Variants in IQSEC1 observed in about 807,000 individuals in gnomAD.
IQSEC1 encodes the protein IQ motif and SEC7 domain-containing protein 1.
In IQSEC1, 31 loss-of-function variants were observed where a neutral mutation model predicts 91.0. The ratio of observed to expected loss-of-function variants is 0.34; its 90% CI spans 0.26 to 0.46. The LOEUF (loss-of-function observed/expected upper bound fraction) is 0.46, where lower values mean the gene tolerates loss of function less well. Ranked by LOEUF, IQSEC1 falls within the 20% of genes least tolerant of loss-of-function variation. IQSEC1 has a pLI of 1.00. For synonymous variants in IQSEC1, 699 were observed against 662.6 expected, an observed-to-expected ratio of 1.05 and a Z score of -0.84; for missense variants, 1,388 against 1,575.6, an observed-to-expected ratio of 0.88 and a Z score of 2.02.
intron 2 of IQSEC1, among the ~76,000 whole-genome samples, chr3:13,141,345 T>C (rs978967408): frequency 6.6e-6 from 1 of 152,190 alleles, no homozygotes; most frequent in Non-Finnish European, 1.5e-5. Context: ...ATGAGAGATG[T>C]GCGGCCCAGG....
At position 12,923,018 on chromosome 3, in the gene IQSEC1, C is replaced by T. The variant is rs150601931; in HGVS notation, c.1731-776G>A. 8.8e-3 allele frequency among the ~76,000 whole-genome samples: 1,338 copies of T among 152,278 alleles called. 7 individuals carry two copies. The highest frequency in any genetic ancestry group is 0.013 in the Non-Finnish European group (904 of 68,034). On this transcript the variant is annotated intron_variant, in intron 4 of 13. Transcript: ENST00000613206. ...CCTGACCCCTCTCCCAGGGCCATCT[C>T]CACATGGGGGCGATGCAGCTGCTCC...
Position 12,899,420 on chromosome 3 carries a change from C to T in IQSEC1, c.*1563G>A. ...AGCACAGCACTGACGGCTGCAGTGG[C>T]TCGAAAGGCTGAAACTACAAAGTAT... On this transcript the variant is annotated 3_prime_UTR_variant, in exon 14 of 14. Coordinates refer to ENST00000613206, the MANE Select transcript of IQSEC1 (RefSeq NM_001134382.3). The T allele has an allele frequency of 6.2e-7, 1 of 1,611,626 alleles. No homozygotes were observed. Among genetic ancestry groups the T allele is most frequent in the Non-Finnish European group, 8.5e-7 (1 of 1,179,432 alleles).
At chr3:13,223,752 T>G (rs1232581562) in intron 1 of IQSEC1, among the ~76,000 whole-genome samples, 1 of 152,166 alleles carries the variant, frequency 6.6e-6, no homozygotes, top group Non-Finnish European at 1.5e-5. Flanking sequence ...AAAAGCTGAT[T>G]CATTTTTGAG....
At position 12,924,711 on chromosome 3, in the gene IQSEC1, C is replaced by T. The variant is rs1472213380; in HGVS notation, c.1600G>A (p.Glu534Lys). 3.1e-6 allele frequency: 5 copies of T among 1,604,290 alleles called. No individual in the cohort carries two copies. The South Asian group carries it at 3.3e-5, about 11-fold the overall frequency. The change falls in exon 4 of 14, where the codon GAG becomes AAG. Residue 534 changes from glutamate (E) to lysine (K), a missense_variant. Physicochemically the swap from Glu to Lys is moderately conservative, Grantham distance 56. Transcript: ENST00000613206. The surrounding 1 kb of genome is among the most constrained non-coding windows in gnomAD (Gnocchi z 6.3). ...KPEKGVQYLI[E>K]RGFVPDTPVG... The stretch of plus-strand genomic sequence containing the variant: ...GGCGTGTCGGGCACAAAGCCACGCT[C>T]GATGAGGTACTGGACTCCCTTCTCA...
At chr3:13,015,656 G>A in intron 1 of IQSEC1, 1 of 985,194 alleles carries the variant, frequency 1.0e-6, no homozygotes, top group Non-Finnish European at 1.2e-6. Flanking sequence ...GGGATGAGCT[G>A]TGGGTCCATC....
chr3:13,022,598 C>T (rs956740273), intron 1 of IQSEC1: 27 of 284,400 alleles, frequency 9.5e-5, no homozygotes, highest in Non-Finnish European at 1.3e-4. Context: ...GAGAGGGAGG[C>T]GGGCGGGGAG....
intron 6 of IQSEC1, among the ~76,000 whole-genome samples, chr3:12,917,653 G>C (rs924561316): frequency 6.6e-6 from 1 of 152,134 alleles, no homozygotes; most frequent in African/African-American, 2.4e-5. Flanking sequence ...GCTCAAGGAC[G>C]TCTGGTGGTT....
At chr3:12,927,626 G>A (rs1335183578) in intron 3 of IQSEC1, among the ~76,000 whole-genome samples, 3 of 152,240 alleles carry the variant, frequency 2.0e-5, no homozygotes, top group Non-Finnish European at 2.9e-5. Context: ...CGGCCCTGGA[G>A]GTGCTCAGAG....
intron 1 of IQSEC1, among the ~76,000 whole-genome samples, chr3:13,248,438 A>G (rs7647863): frequency 0.21 from 32,459 of 152,010 alleles, 6,458 homozygotes; most frequent in African/African-American, 0.53. Flanking sequence ...CTGGTTTCCA[A>G]TCGGGCTCAC....
rs2124952017 is a variant in IQSEC1, at chr3:12,899,267, G to T, written c.*1716C>A. 2 of 1,115,228 alleles carry T rather than the reference G, an allele frequency of 1.8e-6. No individual in the cohort carries two copies. The highest frequency in any genetic ancestry group is 2.6e-5 in the East Asian group (1 of 38,256). The allele number at this position is 1,115,228 out of a possible 1,614,324, so 69.1% of individuals were successfully genotyped here. On this transcript the variant is annotated 3_prime_UTR_variant, in exon 14 of 14. Transcript: ENST00000613206. ...CCTCTCCTCCTGCCGTCCGGCCACG[G>T]CTCACCACGCTGTCCACTGGGAACG... is the stretch of plus-strand genomic sequence containing the variant.
intron 2 of IQSEC1, among the ~76,000 whole-genome samples, chr3:13,138,301 C>T (rs1706743691): frequency 6.9e-6 from 1 of 144,630 alleles, no homozygotes; most frequent in Non-Finnish European, 1.5e-5. Flanking sequence ...TGGAGAGTCC[C>T]TCCACTTCGG....
In IQSEC1 at chr3:13,213,815, A is replaced by C. The variant is rs747216423; in HGVS notation, c.273-49682T>G. ...TGCTGCACATGGCTGCAAGGAAAGG[A>C]AATAAGTGCCTAGGCCATCTCAGGA... is the stretch of plus-strand genomic sequence containing the variant. On this transcript the variant is annotated intron_variant, in intron 1 of 15. Coordinates refer to the IQSEC1 transcript ENST00000648114. 2.6e-5 allele frequency among the ~76,000 whole-genome samples: 4 copies of C among 152,238 alleles called. No homozygotes were observed. The South Asian group carries it at 8.3e-4, about 32-fold the overall frequency.
chr3:13,116,431 TAG>T (rs1706336801), intron 2 of IQSEC1, among the ~76,000 whole-genome samples: 1 of 152,180 alleles, frequency 6.6e-6, no homozygotes, highest in Non-Finnish European at 1.5e-5. Flanking sequence ...CAGACTAGAA[TAG>T]AGAGCCCAGA....
At chr3:12,946,675 T>C (rs1354506239) in intron 1 of IQSEC1, among the ~76,000 whole-genome samples, 3 of 152,208 alleles carry the variant, frequency 2.0e-5, no homozygotes, top group Admixed American at 2.0e-4. Context: ...ATGGCTGTTC[T>C]TATGAAAAAG....
chr3:13,031,331 A>G lies in IQSEC1; in HGVS notation c.23+41661T>C, dbSNP rs147030821. ...ACAGGTCCACCCCAGCTGGTAGACA[A>G]GGGCCCCTGCCTGCCCCTGCCTACA... On this transcript the variant is annotated intron_variant, in intron 1 of 13. Coordinates refer to ENST00000613206, the MANE Select transcript of IQSEC1 (RefSeq NM_001134382.3). 5.4e-3 allele frequency among the ~76,000 whole-genome samples: 821 copies of G among 152,360 alleles called. 6 individuals carry two copies. Among genetic ancestry groups the G allele is most frequent in the African/African-American group, 0.017 (690 of 41,596 alleles).
chr3:12,929,658 C>T (rs576486224), intron 3 of IQSEC1, among the ~76,000 whole-genome samples: 1 of 152,320 alleles, frequency 6.6e-6, no homozygotes, highest in East Asian at 1.9e-4. Flanking sequence ...TCTGCAGTCA[C>T]CCCATTCCCA....
chr3:12,939,176 G>C (rs182134445), intron 2 of IQSEC1, among the ~76,000 whole-genome samples: 1 of 152,136 alleles, frequency 6.6e-6, no homozygotes, highest in East Asian at 1.9e-4. Flanking sequence ...GAGGGAAGAC[G>C]CTCAGCGGAG....
chr3:12,936,005 G>C lies in IQSEC1; in HGVS notation c.1011C>G (p.Asp337Glu). The C allele has an allele frequency of 6.2e-7, 1 of 1,600,550 alleles. No individual in the cohort carries two copies. Among genetic ancestry groups the C allele is most frequent in the East Asian group, 2.2e-5 (1 of 44,850 alleles). ...GGCAGCTCGTGTCCGTGTCAGCCTT[G>C]TCCTCTTTGTGGGCCAGGGCCCAGT... ...PDYWALAHKE[D>E]KADTDTSCRS... is the part of the protein sequence containing the mutation. The change falls in exon 3 of 14, where the codon GAC becomes GAG. Residue 337 changes from aspartate to glutamate, a missense_variant. Asp to Glu is a conservative substitution (Grantham distance 45). Transcript: ENST00000613206.
chr3:13,253,179 C>A lies in IQSEC1; in HGVS notation c.272+29532G>T, dbSNP rs143581733. 1.2e-4 allele frequency among the ~76,000 whole-genome samples: 19 copies of A among 152,316 alleles called. No homozygotes were observed. The East Asian group carries it at 3.7e-3, about 29-fold the overall frequency. ...GAAAATATTGACTCACTTAAACCCC[C>A]AATAGCCCTATAGGATAGTTACCAT... is the stretch of plus-strand genomic sequence containing the variant. On this transcript the variant is annotated intron_variant, in intron 1 of 15. Transcript: ENST00000648114.
Sources: allele counts gnomAD v4.1 joint callset (sites outside exome capture counted in the v4.1 genomes callset), GRCh38; gene constraint gnomAD v4.1.1; non-coding constraint Gnocchi (gnomAD v3.1); transcripts MANE v1.5; gene names NCBI Gene and HGNC (gene_info 2026-07-23, HGNC 2026-07-21).